CCDC198: variants seen among roughly 807,000 people sequenced by gnomAD.
CCDC198 encodes the protein coiled-coil domain containing 198.
A neutral mutation model predicts 35.6 loss-of-function variants in CCDC198; 18 were observed. The observed-to-expected ratio is 0.51, with a 90% confidence interval of 0.35 to 0.75. CCDC198 has a LOEUF of 0.75. Among genes scored for constraint, CCDC198 ranks in the 30% least tolerant of loss-of-function variants. The probability of loss-of-function intolerance (pLI) is 0.01; values close to 1 mark genes in which losing one functional copy is unlikely to be tolerated. For missense variants in CCDC198, 365 were observed against 343.7 expected (o/e 1.06, Z -0.49); for synonymous variants, 119 against 113.4 (o/e 1.05, Z -0.31).
intron 5 of CCDC198, among the ~76,000 whole-genome samples, chr14:57,479,243 T>C (rs1464919891): frequency 3.3e-5 from 5 of 152,106 alleles, no homozygotes; most frequent in Non-Finnish European, 7.4e-5. Flanking sequence ...TGGCTTAGGA[T>C]CCCATGTTGA....
intron 5 of CCDC198, among the ~76,000 whole-genome samples, chr14:57,473,225 AT>A (rs2066875777): frequency 6.6e-6 from 1 of 152,142 alleles, no homozygotes; most frequent in South Asian, 2.1e-4. Context: ...TATTATAATG[AT>A]TGTTGTTGCC....
At chr14:57,480,179 A>G in intron 5 of CCDC198, 1 of 667,108 alleles carries the variant, frequency 1.5e-6, no homozygotes, top group Non-Finnish European at 1.9e-6. Context: ...CTCCACAGAA[A>G]AGGGTGCAGT....
At chr14:57,476,910 G>A (rs981230151) in intron 5 of CCDC198, among the ~76,000 whole-genome samples, 2 of 152,184 alleles carry the variant, frequency 1.3e-5, no homozygotes, top group Admixed American at 1.3e-4. Context: ...ATGCTCTCTG[G>A]GAATAAGCAA....
At chr14:57,480,223 C>T in intron 5 of CCDC198, 2 of 978,854 alleles carry the variant, frequency 2.0e-6, no homozygotes, top group Non-Finnish European at 2.4e-6. Context: ...GGTACCAACT[C>T]TGCTGAAGCA....
At chr14:57,490,678 G>A (rs745793889) in intron 2 of CCDC198, among the ~76,000 whole-genome samples, 3 of 152,116 alleles carry the variant, frequency 2.0e-5, no homozygotes, top group African/African-American at 4.8e-5. Context: ...AGTAGTAGCT[G>A]TTATTATTTA....
Position 57,480,587 on chromosome 14 carries a change from T to C in CCDC198, c.655+8A>G, listed in dbSNP as rs767479054. ...AAATGTTTTACTAAAAAATTGTACA[T>C]GACTCACCGGGACCTCTGTTCAAGA... On this transcript the variant is annotated splice_region_variant and intron_variant, in intron 5 of 5. Coordinates refer to ENST00000216445, the MANE Select transcript of CCDC198 (RefSeq NM_018168.4). 3 of 1,612,550 alleles carry C rather than the reference T, an allele frequency of 1.9e-6. No homozygotes were observed. Among genetic ancestry groups the C allele is most frequent in the Non-Finnish European group, 1.7e-6 (2 of 1,179,580 alleles).
intron 2 of CCDC198, among the ~76,000 whole-genome samples, chr14:57,488,144 A>G (rs958271037): frequency 8.5e-5 from 13 of 152,188 alleles, no homozygotes; most frequent in South Asian, 2.1e-4. Context: ...CAGGGTGGCC[A>G]TATTTCATTG....
At chr14:57,484,607 G>T (rs2067295735) in intron 2 of CCDC198, among the ~76,000 whole-genome samples, 1 of 152,188 alleles carries the variant, frequency 6.6e-6, no homozygotes, top group Non-Finnish European at 1.5e-5. Context: ...ACTAAGTTGT[G>T]CCATAGCCCT....
intron 5 of CCDC198, 39 bp downstream of exon 5, chr14:57,480,556 C>T: frequency 6.2e-7 from 1 of 1,603,566 alleles, no homozygotes; most frequent in Non-Finnish European, 8.5e-7. Flanking sequence ...GTTTTAAAAA[C>T]ACTTGAAATG....
chr14:57,479,891 A>T (rs1330094982), intron 5 of CCDC198, among the ~76,000 whole-genome samples: 1 of 152,068 alleles, frequency 6.6e-6, no homozygotes, highest in African/African-American at 2.4e-5. Context: ...GGACAGTAAG[A>T]CCTAATGGGA....
intron 5 of CCDC198, chr14:57,475,363 A>G: frequency 2.0e-6 from 2 of 1,000,608 alleles, no homozygotes; most frequent in Non-Finnish European, 2.4e-6. Flanking sequence ...GCCAGATAAG[A>G]CCAGAATTTT....
intron 2 of CCDC198, among the ~76,000 whole-genome samples, chr14:57,486,901 G>A (rs1206976244): frequency 6.6e-6 from 1 of 152,062 alleles, no homozygotes; most frequent in Admixed American, 6.6e-5. Context: ...TTTCTCCCTG[G>A]CGTTTGAAAA....
Position 57,478,427 on chromosome 14 carries a change from C to T in CCDC198, c.655+2168G>A, listed in dbSNP as rs562053595. 4 of 980,428 alleles carry T rather than the reference C, an allele frequency of 4.1e-6. No homozygotes were observed. The South Asian group carries it at 1.9e-4, about 46-fold the overall frequency. The allele number at this position is 980,428 out of a possible 1,614,324, so 60.7% of individuals were successfully genotyped here. ...AGAGATAATGCATATTAAAGGCAAA[C>T]CACAGTACCTGGCTTATAGTAAGCA... On this transcript the variant is annotated intron_variant, in intron 5 of 5. Coordinates refer to ENST00000216445, the MANE Select transcript of CCDC198 (RefSeq NM_018168.4).
intron 3 of CCDC198, among the ~76,000 whole-genome samples, chr14:57,482,384 C>T (rs1370161270): frequency 6.6e-6 from 1 of 152,136 alleles, no homozygotes; most frequent in African/African-American, 2.4e-5. Context: ...GGGCCATCTC[C>T]ACAGATGCTG....
intron 2 of CCDC198, among the ~76,000 whole-genome samples, chr14:57,487,994 G>A (rs1439796195): frequency 6.6e-6 from 1 of 152,124 alleles, no homozygotes; most frequent in Non-Finnish European, 1.5e-5. Flanking sequence ...TACTGCATGA[G>A]CATATCCTCT....
At chr14:57,484,764 G>C (rs1442909556) in intron 2 of CCDC198, among the ~76,000 whole-genome samples, 21 of 152,162 alleles carry the variant, frequency 1.4e-4, no homozygotes, top group Admixed American at 1.3e-3. Context: ...TTAAGATAGT[G>C]GTCCCTTAAG....
In CCDC198 at chr14:57,493,502, A is replaced by G. The variant is rs1229333302; in HGVS notation, c.214T>C (p.Tyr72His). The stretch of plus-strand genomic sequence containing the variant: ...TGGGTTTTATGTTTACCTGTAGAAT[A>G]TCTTCCATACCAGTTTTCTTGTAAA... ...PPLQENWYGR[Y>H]STASRDMYFD... The change falls in exon 1 of 6, where the codon TAT (tyrosine) becomes CAT (histidine). Residue 72 changes from tyrosine to histidine, a missense_variant. Transcript: ENST00000216445. 6.2e-7 allele frequency: 1 copy of G among 1,613,476 alleles called. No homozygotes were observed. Among genetic ancestry groups the G allele is most frequent in the Non-Finnish European group, 8.5e-7 (1 of 1,179,582 alleles).
intron 5 of CCDC198, among the ~76,000 whole-genome samples, chr14:57,480,040 G>C (rs1239502060): frequency 6.6e-6 from 1 of 152,234 alleles, no homozygotes; most frequent in Admixed American, 6.5e-5. Flanking sequence ...TGACCGACCA[G>C]CTGTAGGGAG....
intron 5 of CCDC198, among the ~76,000 whole-genome samples, chr14:57,473,177 G>A (rs1035971500): frequency 6.6e-6 from 1 of 152,148 alleles, no homozygotes; most frequent in African/African-American, 2.4e-5. Context: ...GATTTCTTGG[G>A]CCTCAGTGAG....
Sources: allele counts gnomAD v4.1 joint callset (sites outside exome capture counted in the v4.1 genomes callset), GRCh38; gene constraint gnomAD v4.1.1; transcripts MANE v1.5; gene names NCBI Gene and HGNC (gene_info 2026-07-23, HGNC 2026-07-21).